The following MYO1F variants were observed in gnomAD, a reference collection of about 807,000 sequenced individuals.
MYO1F encodes the protein unconventional myosin-If.
Under a neutral mutation model 146.6 loss-of-function variants are expected in MYO1F, and 60 were observed. The ratio of observed to expected loss-of-function variants is 0.41; its 90% CI spans 0.33 to 0.51. MYO1F has a LOEUF of 0.51. Among genes scored for constraint, MYO1F ranks in the 20% least tolerant of loss-of-function variants. The pLI is 0.25. For synonymous variants in MYO1F, 602 were observed against 602.1 expected (o/e 1.00, Z 0.00); for missense variants, 1,274 against 1,534.3 (o/e 0.83, Z 2.83).
At chr19:8,546,747 C>G (rs766489726) in intron 12 of MYO1F, among the ~76,000 whole-genome samples, 1 of 152,002 alleles carries the variant, frequency 6.6e-6, no homozygotes. Context: ...GGCACAATCT[C>G]GACTCACTAC....
chr19:8,575,733 A>G (rs1002654572), intron 1 of MYO1F, among the ~76,000 whole-genome samples: 2 of 151,016 alleles, frequency 1.3e-5, no homozygotes, highest in Non-Finnish European at 3.0e-5. Context: ...TTTCTCTTCT[A>G]TCATCCTCTG....
intron 1 of MYO1F, among the ~76,000 whole-genome samples, chr19:8,573,569 G>A (rs2042149599): frequency 1.3e-5 from 2 of 151,766 alleles, no homozygotes; most frequent in Admixed American, 6.6e-5. Context: ...TCTAGTCATC[G>A]GCCAGGCACA....
intron 8 of MYO1F, 40 bp downstream of exon 8, chr19:8,551,700 G>T: frequency 6.2e-7 from 1 of 1,614,050 alleles, no homozygotes; most frequent in Admixed American, 1.7e-5. Context: ...TGGGGCTGAG[G>T]TCTGCCTGGC....
chr19:8,575,340 G>C (rs1435457131), intron 1 of MYO1F, among the ~76,000 whole-genome samples: 1 of 152,012 alleles, frequency 6.6e-6, no homozygotes, highest in African/African-American at 2.4e-5. Context: ...CTCCCAAAGT[G>C]CTAGGATTAC....
At chr19:8,533,568 AG>A (rs932968041) in intron 19 of MYO1F, among the ~76,000 whole-genome samples, 4 of 151,480 alleles carry the variant, frequency 2.6e-5, no homozygotes, top group African/African-American at 9.7e-5. Flanking sequence ...TGTGTTAGCC[AG>A]GGTGGTCTCA....
At position 8,561,424 on chromosome 19, in the gene MYO1F, TTTCTCCTCTCC is replaced by T. The variant is rs1568368880; in HGVS notation, c.4-5639_4-5629del. 1.3e-4 allele frequency among the ~76,000 whole-genome samples: 16 copies of T among 119,314 alleles called. No homozygotes were observed. In the East Asian group the frequency reaches 5.0e-3, roughly 37 times the overall value. The allele number at this position is 119,314 out of a possible 152,430, so 78.3% of individuals were successfully genotyped here. A position where few individuals can be genotyped will look rare whatever the true frequency, so the allele number is the denominator to read the frequency against. ...TTCCTTTCTCCTCTCCCTCCCTTCC[TTTCTCCTCTCC>T]CTCCCTTCCTTCCTCCCTCTCTCCC... is the stretch of plus-strand genomic sequence containing the variant. On this transcript the variant is annotated intron_variant, in intron 1 of 27. Transcript: ENST00000644032.
chr19:8,522,964 A>G (rs771916919), intron 25 of MYO1F, 135 bp from the exon 26 acceptor site: 2 of 720,218 alleles, frequency 2.8e-6, no homozygotes, highest in Non-Finnish European at 4.7e-6. Context: ...ATTGGGCCAG[A>G]CGGAGGGACT....
At position 8,572,614 on chromosome 19, in the gene MYO1F, T is replaced by A. The variant is rs575790692; in HGVS notation, c.3+4693A>T. On this transcript the variant is annotated intron_variant, in intron 1 of 27. Transcript: ENST00000644032. ...TTCTTTCTCCTAAATTCCTTTTGAC[T>A]CCCAGCCTTTCCTGTCCATCCTCAT... Among the ~76,000 whole-genome samples, 52 of 152,216 alleles carry A rather than the reference T, an allele frequency of 3.4e-4. No individual in the cohort carries two copies. In the South Asian group the frequency reaches 0.011, roughly 32 times the overall value.
At chr19:8,540,483 G>A (rs1599945802) in intron 15 of MYO1F, 1 of 152,418 alleles carries the variant, frequency 6.6e-6, no homozygotes, top group East Asian at 1.9e-4. Context: ...GCTGAGGCAG[G>A]TGGATCACCT....
At position 8,526,754 on chromosome 19, in the gene MYO1F, A is replaced by T. The variant is rs1395128616; in HGVS notation, c.2621+35T>A. On this transcript the variant is annotated intron_variant, in intron 23 of 27. Coordinates refer to ENST00000644032, the MANE Select transcript of MYO1F (RefSeq NM_012335.4). ...GGAGAGGGTGCGCCGCGCCGAGACC[A>T]CCCCGAGATGGTGCTGGGGTTGGCG... The T allele has an allele frequency of 1.0e-5, 16 of 1,581,302 alleles. No individual in the cohort carries two copies. In the Admixed American group the frequency reaches 2.4e-4, roughly 23 times the overall value.
chr19:8,521,505 A>C lies in MYO1F; in HGVS notation c.*23T>G, dbSNP rs759625300. 2 of 1,610,292 alleles carry C rather than the reference A, an allele frequency of 1.2e-6. No homozygotes were observed. The highest frequency in any genetic ancestry group is 4.5e-5 in the East Asian group (2 of 44,808). ...GCAGGCAGATAGGCGGGCGAAAGAG[A>C]AGGCAGTATCCCAGGGCCCAGCTCA... On this transcript the variant is annotated 3_prime_UTR_variant, in exon 28 of 28. Transcript: ENST00000644032.
Position 8,526,818 on chromosome 19 carries a change from C to T in MYO1F, c.2592G>A (p.Arg864=), listed in dbSNP as rs2145829044. The T allele has an allele frequency of 6.2e-7, 1 of 1,613,200 alleles. No individual in the cohort carries two copies. Among genetic ancestry groups the T allele is most frequent in the Non-Finnish European group, 8.5e-7 (1 of 1,179,710 alleles). ...LLCKRFEEAT[R]RPLPLTFSDT... ...CGCTGAAGGTGAGGGGCAGGGGCCT[C>T]CGCGTCGCCTCCTCGAAGCGCTTGC... is the stretch of plus-strand genomic sequence containing the variant. The change falls in exon 23 of 28, where the codon CGG becomes CGA. Residue 864 remains arginine, a synonymous_variant. Transcript: ENST00000644032.
At chr19:8,559,897 C>T (rs1213677218) in intron 1 of MYO1F, among the ~76,000 whole-genome samples, 1 of 149,640 alleles carries the variant, frequency 6.7e-6, no homozygotes, top group Non-Finnish European at 1.5e-5. Context: ...TTGCGGTGAG[C>T]CCAGATTGTG....
At chr19:8,558,586 C>T (rs1478082476) in intron 1 of MYO1F, among the ~76,000 whole-genome samples, 3 of 152,094 alleles carry the variant, frequency 2.0e-5, no homozygotes, top group Non-Finnish European at 4.4e-5. Context: ...TATCTAGTGC[C>T]TTAAACACCC....
intron 1 of MYO1F, among the ~76,000 whole-genome samples, chr19:8,565,198 A>C (rs2041980983): frequency 6.6e-6 from 1 of 151,822 alleles, no homozygotes; most frequent in African/African-American, 2.4e-5. Flanking sequence ...CGCCTGGCTC[A>C]TTTCATTTTC....
At chr19:8,568,292 G>A (rs888205689) in intron 1 of MYO1F, among the ~76,000 whole-genome samples, 13 of 151,838 alleles carry the variant, frequency 8.6e-5, no homozygotes, top group African/African-American at 2.9e-4. Flanking sequence ...GTGCGGTGGC[G>A]GGCGCCCGTA....
chr19:8,576,232 C>G (rs1393759010), intron 1 of MYO1F, among the ~76,000 whole-genome samples: 1 of 152,200 alleles, frequency 6.6e-6, no homozygotes, highest in African/African-American at 2.4e-5. Context: ...CACCTGACCT[C>G]AAGTGATCTA....
At chr19:8,553,086 G>A in intron 6 of MYO1F, 53 bp downstream of exon 6, 7 of 1,535,502 alleles carry the variant, frequency 4.6e-6, no homozygotes, top group Non-Finnish European at 6.3e-6. Context: ...TGTGTGTGTA[G>A]AAAGGTCAGC....
At chr19:8,554,618 C>T (rs1378981204) in intron 3 of MYO1F, 36 bp downstream of exon 3, 4 of 1,612,198 alleles carry the variant, frequency 2.5e-6, no homozygotes, top group Non-Finnish European at 3.4e-6. Context: ...GGCCAGGAGT[C>T]TGGGGGCTGT....
Sources: gnomAD v4.1 joint callset for allele counts (sites outside exome capture counted in the v4.1 genomes callset) on GRCh38, gnomAD v4.1.1 for gene constraint, MANE v1.5 for transcripts, NCBI Gene and HGNC (gene_info 2026-07-23, HGNC 2026-07-21) for gene names.